CUX2: variants seen among roughly 807,000 people sequenced by gnomAD.
The protein encoded by CUX2 is cut like homeobox 2, also known as homeobox protein cut-like 2.
A neutral mutation model predicts 144.8 loss-of-function variants in CUX2; 40 were observed. The observed-to-expected ratio is 0.28, with a 90% CI of 0.21 to 0.36. The LOEUF is 0.36. Ranked by LOEUF, CUX2 falls within the 10% of genes least tolerant of loss-of-function variation. The pLI, the probability that CUX2 is intolerant of heterozygous loss-of-function variation, is 1.00. For missense variants in CUX2, 1,615 were observed against 1,994.0 expected, an observed-to-expected ratio of 0.81 and a Z score of 3.62; for synonymous variants, 827 against 875.6, an observed-to-expected ratio of 0.94 and a Z score of 0.98.
At chr12:111,177,301 T>G (rs1361402598) in intron 1 of CUX2, among the ~76,000 whole-genome samples, 2 of 152,014 alleles carry the variant, frequency 1.3e-5, no homozygotes, top group Admixed American at 6.5e-5. Context: ...TTGCCCCCAC[T>G]TTTCCCCCCT....
At chr12:111,338,867 C>T (rs1888463721) in intron 20 of CUX2, among the ~76,000 whole-genome samples, 1 of 152,068 alleles carries the variant, frequency 6.6e-6, no homozygotes, top group African/African-American at 2.4e-5. Context: ...GCACTCCAGC[C>T]TGTGCAGTGC....
intron 2 of CUX2, 54 bp downstream of exon 2, chr12:111,214,364 C>A: frequency 9.6e-7 from 1 of 1,044,662 alleles, no homozygotes; most frequent in Non-Finnish European, 1.4e-6. Context: ...AGATTTCTCT[C>A]CATTCAAACT....
rs1869303960 is a variant in CUX2 at position 111,034,324 on chromosome 12, AGGCGGACGCCCTGGGGCGGCG to A, written c.63+90_63+110del. On this transcript the variant is annotated intron_variant, in intron 1 of 21. Coordinates refer to ENST00000261726, the MANE Select transcript of CUX2 (RefSeq NM_015267.4). The surrounding 1 kb of genome is among the most constrained non-coding windows in gnomAD (Gnocchi z 4.2). ...GCATTGGGGAGGTCCCCGGGCGGGCAGGCGGACGCCCTGGGGCGGCGGGCGGCGGCTGCCGGGGCTCGCCGG... is the reference window on the plus strand; with the variant it reads ...GCATTGGGGAGGTCCCCGGGCGGGCAGGCGGCGGCTGCCGGGGCTCGCCGG... 1.2e-6 allele frequency: 1 copy of A among 837,610 alleles called. No individual in the cohort carries two copies. Among genetic ancestry groups the A allele is most frequent in the East Asian group, 1.1e-4 (1 of 8,744 alleles). The allele number at this position is 837,610 out of a possible 1,614,324, so 51.9% of individuals were successfully genotyped here. A position where few individuals can be genotyped will look rare whatever the true frequency, so the allele number is the denominator to read the frequency against.
chr12:111,099,735 G>A, intron 1 of CUX2: 1 of 456,048 alleles, frequency 2.2e-6, no homozygotes. Context: ...CGCCGAAACT[G>A]GGGCCTGCAC....
intron 4 of CUX2, among the ~76,000 whole-genome samples, chr12:111,278,507 C>T (rs1439197429): frequency 2.6e-5 from 4 of 152,168 alleles, no homozygotes; most frequent in African/African-American, 9.7e-5. Flanking sequence ...AGAGATGCCC[C>T]CATGGAAAAC....
intron 1 of CUX2, among the ~76,000 whole-genome samples, chr12:111,196,182 A>G (rs924203519): frequency 7.9e-5 from 12 of 152,200 alleles, no homozygotes; most frequent in African/African-American, 2.7e-4. Context: ...GGTAACATGT[A>G]TGAGTATTTT....
At chr12:111,283,800 C>G (rs1321957870) in intron 4 of CUX2, among the ~76,000 whole-genome samples, 1 of 152,174 alleles carries the variant, frequency 6.6e-6, no homozygotes, top group African/African-American at 2.4e-5. Context: ...AAACTCCTGA[C>G]TTCAGACAGT....
chr12:111,163,959 G>A (rs1350066531), intron 1 of CUX2, among the ~76,000 whole-genome samples: 1 of 152,124 alleles, frequency 6.6e-6, no homozygotes, highest in African/African-American at 2.4e-5. Flanking sequence ...CCTTGAGCAG[G>A]TGACTTTGTC....
chr12:111,081,157 G>A (rs1871864782), intron 1 of CUX2, among the ~76,000 whole-genome samples: 3 of 152,188 alleles, frequency 2.0e-5, no homozygotes, highest in Non-Finnish European at 2.9e-5. Context: ...GCAGTGGTGG[G>A]AGGATTGATC....
intron 20 of CUX2, 131 bp from the exon 21 acceptor site, chr12:111,341,649 C>T (rs1202440751): frequency 1.4e-5 from 15 of 1,044,226 alleles, no homozygotes; most frequent in Non-Finnish European, 1.9e-5. Flanking sequence ...GGGGGGCGGG[C>T]CTCTAAGCTT....
intron 1 of CUX2, among the ~76,000 whole-genome samples, chr12:111,143,041 T>G (rs1876435714): frequency 6.6e-6 from 1 of 152,182 alleles, no homozygotes; most frequent in Non-Finnish European, 1.5e-5. Flanking sequence ...TTCCTCCTTC[T>G]CTCTCTACAA....
At chr12:111,105,079 C>G (rs1029140180) in intron 1 of CUX2, among the ~76,000 whole-genome samples, 1 of 152,186 alleles carries the variant, frequency 6.6e-6, no homozygotes, top group Non-Finnish European at 1.5e-5. Flanking sequence ...TGTCCAGGGA[C>G]CTGGGCTCAT....
At chr12:111,220,679 G>A (rs1273530199) in intron 3 of CUX2, among the ~76,000 whole-genome samples, 1 of 139,522 alleles carries the variant, frequency 7.2e-6, no homozygotes, top group Non-Finnish European at 1.5e-5. Context: ...GGCTAAGGTA[G>A]GAGGATCACT....
intron 9 of CUX2, among the ~76,000 whole-genome samples, chr12:111,300,576 G>A (rs1243689705): frequency 6.6e-6 from 1 of 152,128 alleles, no homozygotes; most frequent in Non-Finnish European, 1.5e-5. Context: ...GTGCACCATC[G>A]TCTAACCCAG....
intron 5 of CUX2, among the ~76,000 whole-genome samples, chr12:111,292,777 CCT>C (rs2136333699): frequency 6.6e-6 from 1 of 152,082 alleles, no homozygotes; most frequent in East Asian, 1.9e-4. Flanking sequence ...TGAGGGGTTT[CCT>C]TTTGGAAAAT....
intron 1 of CUX2, among the ~76,000 whole-genome samples, chr12:111,122,709 A>G (rs1356300536): frequency 6.6e-6 from 1 of 152,190 alleles, no homozygotes; most frequent in African/African-American, 2.4e-5. Context: ...ACCAGGGGAG[A>G]TCCTGCCAAT....
At chr12:111,139,354 G>A (rs1367219235) in intron 1 of CUX2, among the ~76,000 whole-genome samples, 1 of 152,132 alleles carries the variant, frequency 6.6e-6, no homozygotes, top group Admixed American at 6.5e-5. Flanking sequence ...AGAGGGGTAT[G>A]TGATGGGGAC....
chr12:111,307,136 C>T lies in CUX2; in HGVS notation c.1050+24C>T, dbSNP rs372939426. On this transcript the variant is annotated intron_variant, in intron 11 of 21. Transcript: ENST00000261726. This position sits in a 1 kb window ranked among gnomAD's most constrained non-coding sequence, Gnocchi z 4.1. The stretch of plus-strand genomic sequence containing the variant: ...AAGTGGGTCCTGGGGAGGAGGCAGG[C>T]GGGCAGGCGGCCCCATGCAGAAGCA... 5.6e-6 allele frequency: 9 copies of T among 1,612,904 alleles called. No homozygotes were observed. Among genetic ancestry groups the T allele is most frequent in the African/African-American group, 5.3e-5 (4 of 74,886 alleles).
chr12:111,188,143 C>T (rs994242684), intron 1 of CUX2, among the ~76,000 whole-genome samples: 2 of 152,232 alleles, frequency 1.3e-5, no homozygotes, highest in African/African-American at 4.8e-5. Context: ...CCACTTCTGG[C>T]CTTGTTCCTT....
Sources: allele counts gnomAD v4.1 joint callset (sites outside exome capture counted in the v4.1 genomes callset), GRCh38; gene constraint gnomAD v4.1.1; non-coding constraint Gnocchi (gnomAD v3.1); transcripts MANE v1.5; gene names NCBI Gene and HGNC (gene_info 2026-07-23, HGNC 2026-07-21).